FAM171A1: variants seen among roughly 807,000 people sequenced by gnomAD.
FAM171A1 encodes family with sequence similarity 171 member A1.
Under a neutral mutation model 74.9 loss-of-function variants are expected in FAM171A1, and 23 were observed. The observed-to-expected ratio is 0.31, with a 90% CI of 0.22 to 0.44. The LOEUF is 0.44. FAM171A1 is among the 20% of genes least tolerant of loss of function. The pLI is 1.00. For missense variants in FAM171A1, 1,162 were observed against 1,159.2 expected, an observed-to-expected ratio of 1.00 and a Z score of -0.03; for synonymous variants, 527 against 505.7, an observed-to-expected ratio of 1.04 and a Z score of -0.57.
intron 3 of FAM171A1, among the ~76,000 whole-genome samples, chr10:15,263,607 C>A (rs17156483): frequency 6.6e-6 from 1 of 152,144 alleles, no homozygotes; most frequent in Non-Finnish European, 1.5e-5. Flanking sequence ...GCAGAGAATA[C>A]GTGTGAGTCT....
At chr10:15,248,015 GC>G (rs1834457413) in intron 5 of FAM171A1, among the ~76,000 whole-genome samples, 2 of 152,150 alleles carry the variant, frequency 1.3e-5, no homozygotes, top group Middle Eastern at 3.2e-3. Flanking sequence ...GAGACTCTGA[GC>G]CCTACCACCC....
intron 1 of FAM171A1, among the ~76,000 whole-genome samples, chr10:15,289,368 G>A (rs1480401822): frequency 6.6e-6 from 1 of 152,044 alleles, no homozygotes; most frequent in South Asian, 2.1e-4. Flanking sequence ...TGAGGACCCC[G>A]CTGAGTTGGT....
At chr10:15,336,979 C>T (rs559127805) in intron 1 of FAM171A1, among the ~76,000 whole-genome samples, 14 of 151,716 alleles carry the variant, frequency 9.2e-5, no homozygotes, top group African/African-American at 3.1e-4. Context: ...ACTGCAGCCT[C>T]GATCTCTTGG....
intron 5 of FAM171A1, chr10:15,240,852 C>T (rs2131746553): frequency 5.0e-6 from 2 of 397,628 alleles, no homozygotes; most frequent in African/African-American, 4.4e-5. Flanking sequence ...CCAGTCTGGG[C>T]AACACAGCAA....
intron 1 of FAM171A1, 23 bp downstream of exon 1, chr10:15,370,933 C>T (rs1310835294): frequency 2.7e-6 from 3 of 1,118,840 alleles, no homozygotes; most frequent in Non-Finnish European, 3.3e-6. Flanking sequence ...ACAAAGCCCC[C>T]GGCCCCGCCG....
At chr10:15,370,057 C>G (rs533952070) in intron 1 of FAM171A1, among the ~76,000 whole-genome samples, 4 of 151,804 alleles carry the variant, frequency 2.6e-5, no homozygotes, top group South Asian at 2.1e-4. Flanking sequence ...ATGTGCCAAG[C>G]AAGCCTCAGG....
In FAM171A1 at chr10:15,371,185, C is replaced by G. The variant is rs1240462037; in HGVS notation, c.-133G>C. On this transcript the variant is annotated 5_prime_UTR_variant, in exon 1 of 8. Transcript: ENST00000378116. ...CGCCGGGCCCGCCGCCCGATTGGCC[C>G]GGCCCCGCCGCCCCGGCCGCTCCCT... The G allele has an allele frequency of 5.5e-6, 1 of 180,828 alleles. No homozygotes were observed. Among genetic ancestry groups the G allele is most frequent in the Non-Finnish European group, 1.0e-5 (1 of 97,410 alleles). 11.2% of individuals were successfully genotyped at this position (180,828 alleles called of 1,614,324 possible). A position where few individuals can be genotyped will look rare whatever the true frequency, so the allele number is the denominator to read the frequency against.
At chr10:15,247,277 A>T (rs1014022619) in intron 5 of FAM171A1, among the ~76,000 whole-genome samples, 1 of 152,154 alleles carries the variant, frequency 6.6e-6, no homozygotes, top group South Asian at 2.1e-4. Flanking sequence ...TTATTGGTTG[A>T]TTGAGTGAGT....
chr10:15,220,877 C>T (rs41302972), intron 6 of FAM171A1, 67 bp downstream of exon 6: 2 of 1,183,226 alleles, frequency 1.7e-6, no homozygotes, highest in Non-Finnish European at 2.5e-6. Context: ...CAAGAGCATA[C>T]TTAGCCTGAA....
At chr10:15,250,781 A>G (rs1834498010) in intron 4 of FAM171A1, among the ~76,000 whole-genome samples, 4 of 152,322 alleles carry the variant, frequency 2.6e-5, no homozygotes, top group South Asian at 4.1e-4. Flanking sequence ...AAACAAAAAA[A>G]GAGAAACTAC....
chr10:15,235,683 C>T (rs74797199), intron 5 of FAM171A1, among the ~76,000 whole-genome samples: 6,476 of 152,172 alleles, frequency 0.043, 417 homozygotes, highest in African/African-American at 0.15. Context: ...ATTATGTGAT[C>T]GTTTTAAATT....
intron 1 of FAM171A1, among the ~76,000 whole-genome samples, chr10:15,323,391 T>C (rs1835510712): frequency 6.6e-6 from 1 of 152,080 alleles, no homozygotes. Context: ...AGGCAGGGGT[T>C]GCAGTGAGCA....
rs11818279 is a variant in FAM171A1 at position 15,230,751 on chromosome 10, C to G, written c.755-9691G>C. On this transcript the variant is annotated intron_variant, in intron 5 of 7. Coordinates refer to ENST00000378116, the MANE Select transcript of FAM171A1 (RefSeq NM_001010924.2). ...CAAAATACTGGCAGACTTATAGAAACTTTATTCCTTAAATAGATAGCTAGA... is the reference window on the plus strand; with the variant it reads ...CAAAATACTGGCAGACTTATAGAAAGTTTATTCCTTAAATAGATAGCTAGA... Among the ~76,000 whole-genome samples, 683 of 152,250 alleles carry G rather than the reference C, an allele frequency of 4.5e-3. 3 individuals are homozygous for G. Among genetic ancestry groups the G allele is most frequent in the African/African-American group, 0.015 (643 of 41,532 alleles).
chr10:15,228,844 G>A (rs903024956), intron 5 of FAM171A1, among the ~76,000 whole-genome samples: 1 of 152,218 alleles, frequency 6.6e-6, no homozygotes, highest in African/African-American at 2.4e-5. Flanking sequence ...CAGAAGAGGA[G>A]CTGAACGTCC....
At chr10:15,271,385 G>A (rs1834822942) in intron 3 of FAM171A1, among the ~76,000 whole-genome samples, 1 of 152,192 alleles carries the variant, frequency 6.6e-6, no homozygotes. Flanking sequence ...GGGACTATGT[G>A]AAAAGACCAA....
At chr10:15,271,427 C>T (rs926709922) in intron 3 of FAM171A1, among the ~76,000 whole-genome samples, 4 of 152,114 alleles carry the variant, frequency 2.6e-5, no homozygotes, top group African/African-American at 7.2e-5. Flanking sequence ...CTGAAAGCGA[C>T]GGGGAGAATG....
intron 1 of FAM171A1, among the ~76,000 whole-genome samples, chr10:15,287,603 G>T (rs1835053205): frequency 6.6e-6 from 1 of 151,984 alleles, no homozygotes; most frequent in Admixed American, 6.6e-5. Flanking sequence ...GGCCGGGATG[G>T]TCTTGATCTC....
chr10:15,303,756 G>A (rs1914548), intron 1 of FAM171A1, among the ~76,000 whole-genome samples: 49,189 of 152,194 alleles, frequency 0.32, 9,415 homozygotes, highest in East Asian at 0.78. Context: ...CGTATATACT[G>A]TACCAAATAA....
At chr10:15,236,355 C>T (rs967690525) in intron 5 of FAM171A1, among the ~76,000 whole-genome samples, 4 of 151,758 alleles carry the variant, frequency 2.6e-5, no homozygotes, top group African/African-American at 7.3e-5. Context: ...ATAAGAGCGG[C>T]AAACACATAC....
Sources: gnomAD v4.1 joint callset for allele counts (sites outside exome capture counted in the v4.1 genomes callset) on GRCh38, gnomAD v4.1.1 for gene constraint, MANE v1.5 for transcripts, NCBI Gene and HGNC (gene_info 2026-07-23, HGNC 2026-07-21) for gene names.